The following MINDY2 variants were observed in gnomAD, a reference collection of about 807,000 sequenced individuals.
MINDY2 encodes the protein ubiquitin carboxyl-terminal hydrolase MINDY-2.
A neutral mutation model predicts 68.2 loss-of-function variants in MINDY2; 52 were observed. That is an observed-to-expected ratio of 0.76 (90% CI 0.61 to 0.96). MINDY2 has a LOEUF of 0.96. Ranked by LOEUF, MINDY2 falls within the 40% of genes least tolerant of loss-of-function variation. The pLI, the probability that MINDY2 is intolerant of heterozygous loss-of-function variation, is 0.00. For missense variants in MINDY2, 881 were observed against 773.4 expected (o/e 1.14, Z -1.65); for synonymous variants, 372 against 303.0 (o/e 1.23, Z -2.36).
intron 6 of MINDY2, among the ~76,000 whole-genome samples, chr15:58,842,534 G>A (rs1163640078): frequency 6.6e-6 from 1 of 151,992 alleles, no homozygotes; most frequent in East Asian, 1.9e-4. Flanking sequence ...ATCAAAAATT[G>A]TCACTTTTTA....
At chr15:58,772,556 TACTG>T (rs1403226203) in intron 1 of MINDY2, among the ~76,000 whole-genome samples, 3 of 152,222 alleles carry the variant, frequency 2.0e-5, no homozygotes, top group African/African-American at 7.2e-5. Context: ...TACATTTTCT[TACTG>T]ACCTTATCAC....
At position 58,857,223 on chromosome 15, in the gene MINDY2, CA is replaced by C. The variant is rs2033087973; in HGVS notation, c.*2614del. On this transcript the variant is annotated 3_prime_UTR_variant, in exon 9 of 9. Coordinates refer to ENST00000559228, the MANE Select transcript of MINDY2 (RefSeq NM_001040450.3). The stretch of plus-strand genomic sequence containing the variant: ...ATTGTATTAAAACAAACAAGCTTTT[CA>C]GAGATACTGGTTTCCTGCCCTTGAA... 3 of 152,128 alleles carry C rather than the reference CA, an allele frequency of 2.0e-5. No individual in the cohort carries two copies. In the South Asian group the frequency reaches 6.2e-4, roughly 32 times the overall value. 9.4% of individuals were successfully genotyped at this position (152,128 alleles called of 1,614,324 possible).
chr15:58,851,735 C>T (rs772519053), intron 7 of MINDY2, 36 bp from the exon 8 acceptor site: 32 of 1,465,888 alleles, frequency 2.2e-5, no homozygotes, highest in African/African-American at 7.3e-5. Flanking sequence ...TGGGTAAAAT[C>T]TCATAGCTAA....
At chr15:58,790,255 G>GT (rs111332586) in intron 2 of MINDY2, among the ~76,000 whole-genome samples, 14 of 151,772 alleles carry the variant, frequency 9.2e-5, no homozygotes, top group African/African-American at 1.9e-4. Context: ...ATTATTTTAA[G>GT]TTTTTTTTTC....
At position 58,771,316 on chromosome 15, in the gene MINDY2, T is replaced by G; in HGVS notation, c.-80T>G. 1.3e-6 allele frequency: 2 copies of G among 1,532,318 alleles called. No homozygotes were observed. The highest frequency in any genetic ancestry group is 2.4e-5 in the South Asian group (2 of 82,626). The allele number at this position is 1,532,318 out of a possible 1,614,324, so 94.9% of individuals were successfully genotyped here. On this transcript the variant is annotated 5_prime_UTR_variant, in exon 1 of 9. Coordinates refer to ENST00000559228, the MANE Select transcript of MINDY2 (RefSeq NM_001040450.3). ...CGCGCCAGGGCGCTGTTGCTGCCAA[T>G]ACAGCTGTCATGGCGTCCAAGGCGC...
chr15:58,807,310 T>C (rs1269069793), intron 3 of MINDY2, among the ~76,000 whole-genome samples: 1 of 151,924 alleles, frequency 6.6e-6, no homozygotes, highest in African/African-American at 2.4e-5. Context: ...CATATGTCCA[T>C]ACTTAATGTG....
chr15:58,780,958 T>C (rs533153486), intron 1 of MINDY2, among the ~76,000 whole-genome samples: 38 of 152,178 alleles, frequency 2.5e-4, no homozygotes, highest in Non-Finnish European at 4.4e-4. Flanking sequence ...TTATTATCAA[T>C]TTTTGAGGGG....
intron 6 of MINDY2, among the ~76,000 whole-genome samples, chr15:58,833,774 A>G (rs1465409908): frequency 6.6e-6 from 1 of 151,966 alleles, no homozygotes; most frequent in Non-Finnish European, 1.5e-5. Flanking sequence ...ACACCAAGAC[A>G]TTCCATTGCT....
intron 3 of MINDY2, among the ~76,000 whole-genome samples, chr15:58,803,073 T>C (rs921667905): frequency 3.3e-5 from 5 of 152,300 alleles, no homozygotes; most frequent in Non-Finnish European, 5.9e-5. Flanking sequence ...TAACATACTT[T>C]CACCAGTATC....
intron 5 of MINDY2, 96 bp downstream of exon 5, chr15:58,821,915 TA>T (rs1348287841): frequency 2.6e-6 from 2 of 758,576 alleles, no homozygotes; most frequent in Non-Finnish European, 2.0e-6. Flanking sequence ...ATAAGACTTC[TA>T]AAAAACACAT....
intron 6 of MINDY2, among the ~76,000 whole-genome samples, chr15:58,846,662 A>G (rs563098925): frequency 5.5e-4 from 84 of 152,046 alleles, no homozygotes; most frequent in South Asian, 2.9e-3. Context: ...ATCCACAAAA[A>G]TTAAAAATTA....
intron 2 of MINDY2, among the ~76,000 whole-genome samples, chr15:58,794,178 C>T (rs753493083): frequency 1.3e-5 from 2 of 151,584 alleles, no homozygotes; most frequent in Non-Finnish European, 2.9e-5. Flanking sequence ...TAATTATGGG[C>T]CATAGAATTT....
Position 58,833,587 on chromosome 15 carries a change from C to T in MINDY2, c.1368+1671C>T, listed in dbSNP as rs578166672. 3.2e-3 allele frequency among the ~76,000 whole-genome samples: 486 copies of T among 152,116 alleles called. 1 individual carries two copies. Among genetic ancestry groups the T allele is most frequent in the Middle Eastern group, 0.024 (7 of 294 alleles). ...TGCAGAGAAGGTCAGAAGGTAAACA[C>T]GTGAACAAATGTCTCTGCATCATAA... On this transcript the variant is annotated intron_variant, in intron 6 of 8. Coordinates refer to ENST00000559228, the MANE Select transcript of MINDY2 (RefSeq NM_001040450.3).
At chr15:58,772,502 T>C (rs1179809695) in intron 1 of MINDY2, among the ~76,000 whole-genome samples, 2 of 152,246 alleles carry the variant, frequency 1.3e-5, no homozygotes, top group Non-Finnish European at 2.9e-5. Context: ...CAAGAAGGAC[T>C]TAGAGCATCT....
chr15:58,837,198 C>G (rs1941069219), intron 6 of MINDY2, among the ~76,000 whole-genome samples: 1 of 152,174 alleles, frequency 6.6e-6, no homozygotes, highest in African/African-American at 2.4e-5. Context: ...TTCTCTCCTA[C>G]TAATTCCTGA....
At chr15:58,814,951 A>G (rs953314358) in intron 4 of MINDY2, among the ~76,000 whole-genome samples, 1 of 151,984 alleles carries the variant, frequency 6.6e-6, no homozygotes, top group South Asian at 2.1e-4. Context: ...ACTTAATTTC[A>G]GTGAAGTTCA....
intron 6 of MINDY2, among the ~76,000 whole-genome samples, chr15:58,840,047 T>G (rs1448502512): frequency 6.6e-6 from 1 of 152,144 alleles, no homozygotes; most frequent in Admixed American, 6.5e-5. Flanking sequence ...TTGCCCAGCC[T>G]AGTCTCGAAC....
At chr15:58,844,713 T>C (rs2032446444) in intron 6 of MINDY2, among the ~76,000 whole-genome samples, 1 of 151,610 alleles carries the variant, frequency 6.6e-6, no homozygotes, top group South Asian at 2.1e-4. Flanking sequence ...GGTCAGGAGT[T>C]CGAGACCAGC....
rs2032909047 is a variant in MINDY2, at chr15:58,852,974, A to T, written c.1737+1009A>T. On this transcript the variant is annotated intron_variant, in intron 8 of 8. Transcript: ENST00000559228. ...TTTTTTTTTTTTTTTTTTTTTTAAG[A>T]CAGAGTCTCACTCTGTTGCCCAGGC... Among the ~76,000 whole-genome samples, 3 of 55,022 alleles carry T rather than the reference A, an allele frequency of 5.5e-5. 1 individual carries two copies. The highest frequency in any genetic ancestry group is 4.3e-4 in the East Asian group (1 of 2,304). The allele number at this position is 55,022 out of a possible 152,430, so 36.1% of individuals were successfully genotyped here. A position where few individuals can be genotyped will look rare whatever the true frequency, so the allele number is the denominator to read the frequency against.
Sources: allele counts gnomAD v4.1 joint callset (sites outside exome capture counted in the v4.1 genomes callset), GRCh38; gene constraint gnomAD v4.1.1; transcripts MANE v1.5; gene names NCBI Gene and HGNC (gene_info 2026-07-23, HGNC 2026-07-21).